The following CTNNBIP1 variants were observed in gnomAD, a reference collection of about 807,000 sequenced individuals.
CTNNBIP1 encodes catenin beta interacting protein 1.
A neutral mutation model predicts 11.8 loss-of-function variants in CTNNBIP1; 7 were observed. That is an observed-to-expected ratio of 0.60 (90% confidence interval 0.34 to 1.12). CTNNBIP1 has a LOEUF of 1.12. CTNNBIP1 is among the 50% of genes most tolerant of loss of function. The probability of loss-of-function intolerance (pLI) is 0.03; values close to 1 mark genes in which losing one functional copy is unlikely to be tolerated. For synonymous variants in CTNNBIP1, 58 were observed against 43.9 expected (o/e 1.32, Z -1.26); for missense variants, 101 against 113.4 (o/e 0.89, Z 0.50).
In CTNNBIP1 at chr1:9,869,046, C is replaced by T. The variant is rs185465074; in HGVS notation, c.187+2141G>A. 1.6e-4 allele frequency among the ~76,000 whole-genome samples: 25 copies of T among 152,346 alleles called. No individual in the cohort carries two copies. The East Asian group carries it at 4.4e-3, about 27-fold the overall frequency. ...ACAGAGTCTCCCTCTGTTGCCCAGG[C>T]TGGGGTGCAGTGGTGCGATCATGGC... On this transcript the variant is annotated intron_variant, in intron 5 of 5. Coordinates refer to ENST00000377263, the MANE Select transcript of CTNNBIP1 (RefSeq NM_020248.3).
At chr1:9,873,199 A>G (rs1021510133) in intron 3 of CTNNBIP1, among the ~76,000 whole-genome samples, 20 of 152,148 alleles carry the variant, frequency 1.3e-4, no homozygotes, top group Non-Finnish European at 1.6e-4. Flanking sequence ...AGTGCACACA[A>G]TAAGCTAATA....
chr1:9,900,879 G>C (rs1639508308), intron 1 of CTNNBIP1, among the ~76,000 whole-genome samples: 1 of 152,188 alleles, frequency 6.6e-6, no homozygotes, highest in African/African-American at 2.4e-5. Flanking sequence ...CACACACGGA[G>C]GGAGAAGGAC....
At chr1:9,880,011 G>A (rs1639049921) in intron 2 of CTNNBIP1, among the ~76,000 whole-genome samples, 2 of 152,160 alleles carry the variant, frequency 1.3e-5, no homozygotes, top group South Asian at 4.1e-4. Flanking sequence ...TGCAGAACGT[G>A]CAGGTTACAC....
intron 5 of CTNNBIP1, among the ~76,000 whole-genome samples, chr1:9,860,451 A>C (rs1346949901): frequency 2.5e-4 from 37 of 150,696 alleles, no homozygotes; most frequent in African/African-American, 4.6e-4. Flanking sequence ...AAAAAAAAAA[A>C]AAACAAAACT....
At chr1:9,890,170 A>C (rs1399605436) in intron 1 of CTNNBIP1, among the ~76,000 whole-genome samples, 2 of 152,092 alleles carry the variant, frequency 1.3e-5, no homozygotes, top group East Asian at 3.8e-4. Context: ...AGTGAAACCC[A>C]CCTTTTTACA....
At chr1:9,893,779 A>G (rs1639353180) in intron 1 of CTNNBIP1, among the ~76,000 whole-genome samples, 1 of 152,208 alleles carries the variant, frequency 6.6e-6, no homozygotes, top group African/African-American at 2.4e-5. Context: ...CAAAACCAAA[A>G]AAGGCATCAA....
intron 1 of CTNNBIP1, among the ~76,000 whole-genome samples, chr1:9,885,670 G>A (rs923775120): frequency 5.9e-5 from 9 of 151,968 alleles, no homozygotes; most frequent in Admixed American, 3.3e-4. Context: ...GAGGACAGGT[G>A]CGGTGGCTCA....
intron 1 of CTNNBIP1, chr1:9,893,296 T>G (rs1385678258): frequency 6.6e-6 from 1 of 152,162 alleles, no homozygotes; most frequent in Non-Finnish European, 1.5e-5. Flanking sequence ...GGCGCAGGCA[T>G]GAACACCCAG....
At chr1:9,863,032 AC>A (rs2101457925) in intron 5 of CTNNBIP1, among the ~76,000 whole-genome samples, 1 of 152,258 alleles carries the variant, frequency 6.6e-6, no homozygotes, top group African/African-American at 2.4e-5. Context: ...AAACAACAGA[AC>A]CCATGACGCG....
intron 1 of CTNNBIP1, 142 bp downstream of exon 1, chr1:9,909,953 G>T (rs557636778): frequency 6.6e-6 from 1 of 152,014 alleles, no homozygotes; most frequent in South Asian, 2.1e-4. Context: ...CGCGCCGCTG[G>T]GGCAGTCAGG....
chr1:9,907,739 C>A (rs1414567026), intron 1 of CTNNBIP1, among the ~76,000 whole-genome samples: 1 of 152,180 alleles, frequency 6.6e-6, no homozygotes, highest in Admixed American at 6.5e-5. Flanking sequence ...TCTCAGTCTC[C>A]AAAGTTTTGC....
intron 1 of CTNNBIP1, among the ~76,000 whole-genome samples, chr1:9,886,959 ACG>A (rs1012591433): frequency 3.0e-4 from 46 of 152,168 alleles, no homozygotes; most frequent in African/African-American, 1.0e-3. Flanking sequence ...ATCCACAGCC[ACG>A]CTCGGTATTC....
At chr1:9,909,063 T>C (rs1639678043) in intron 1 of CTNNBIP1, among the ~76,000 whole-genome samples, 1 of 152,192 alleles carries the variant, frequency 6.6e-6, no homozygotes, top group African/African-American at 2.4e-5. Context: ...AAGAGATCAG[T>C]TATCACTTGG....
rs544275532 is a variant in CTNNBIP1 at position 9,871,304 on chromosome 1, G to C, written c.97-27C>G. 128 of 1,518,854 alleles carry C rather than the reference G, an allele frequency of 8.4e-5. 2 individuals carry two copies. The Admixed American group carries it at 2.4e-3, about 28-fold the overall frequency. 94.1% of individuals were successfully genotyped at this position (1,518,854 alleles called of 1,614,324 possible). On this transcript the variant is annotated intron_variant, in intron 4 of 5. Transcript: ENST00000377263. The surrounding 1 kb of genome is among the most constrained non-coding windows in gnomAD (Gnocchi z 5.2). ...TGCAGGGTGAGAGAGCTGTGGTGAG[G>C]GGCAGCATGCACCTGTTCCCTGAAA...
intron 1 of CTNNBIP1, among the ~76,000 whole-genome samples, chr1:9,909,652 G>A (rs981398064): frequency 1.3e-5 from 2 of 152,186 alleles, no homozygotes; most frequent in Admixed American, 1.3e-4. Context: ...TCACCGGGGA[G>A]GGGTGGAATC....
intron 5 of CTNNBIP1, among the ~76,000 whole-genome samples, chr1:9,861,763 G>T (rs1319705697): frequency 6.6e-6 from 1 of 152,212 alleles, no homozygotes; most frequent in African/African-American, 2.4e-5. Flanking sequence ...GGGGTCCCTT[G>T]TGGTACCCCA....
rs1031143681 is a variant in CTNNBIP1, at chr1:9,883,414, G to A, written c.-110+291C>T. 2.0e-5 allele frequency among the ~76,000 whole-genome samples: 3 copies of A among 152,126 alleles called. No homozygotes were observed. Among genetic ancestry groups the A allele is most frequent in the African/African-American group, 4.8e-5 (2 of 41,402 alleles). On this transcript the variant is annotated intron_variant, in intron 2 of 5. Transcript: ENST00000377263. This position sits in a 1 kb window ranked among gnomAD's most constrained non-coding sequence, Gnocchi z 5.6. The stretch of plus-strand genomic sequence containing the variant: ...GGTTTTCTATGAAGGAGGCAGAGCA[G>A]GGCAGGGGAGAGGTCCACCTGCCCC...
At chr1:9,903,376 A>G (rs1425690731) in intron 1 of CTNNBIP1, among the ~76,000 whole-genome samples, 1 of 152,194 alleles carries the variant, frequency 6.6e-6, no homozygotes, top group Non-Finnish European at 1.5e-5. Flanking sequence ...TTTCTACACT[A>G]CAACACAACC....
intron 5 of CTNNBIP1, among the ~76,000 whole-genome samples, chr1:9,864,495 A>AT (rs1178444015): frequency 6.6e-6 from 1 of 152,090 alleles, no homozygotes; most frequent in South Asian, 2.1e-4. Flanking sequence ...CGCCCGGCTA[A>AT]TTTTTTGTAT....
Sources: allele counts gnomAD v4.1 joint callset (sites outside exome capture counted in the v4.1 genomes callset), GRCh38; gene constraint gnomAD v4.1.1; non-coding constraint Gnocchi (gnomAD v3.1); transcripts MANE v1.5; gene names NCBI Gene and HGNC (gene_info 2026-07-23, HGNC 2026-07-21).